The following LIPA variants were observed in gnomAD, a reference collection of about 807,000 sequenced individuals.
LIPA encodes the protein lipase A, lysosomal acid type.
A neutral mutation model predicts 40.6 loss-of-function variants in LIPA; 26 were observed. That is an observed-to-expected ratio of 0.64 (90% confidence interval 0.47 to 0.89). The LOEUF (loss-of-function observed/expected upper bound fraction) is 0.89. LIPA is among the 40% of genes least tolerant of loss of function. The probability of loss-of-function intolerance (pLI) is 0.00; values close to 1 mark genes in which losing one functional copy is unlikely to be tolerated. For missense variants in LIPA, 455 were observed against 479.6 expected (o/e 0.95, Z 0.48); for synonymous variants, 188 against 168.4 (o/e 1.12, Z -0.90).
rs755914073 is a variant in LIPA, at chr10:89,213,879, G to A, written c.*949C>T. On this transcript the variant is annotated 3_prime_UTR_variant, in exon 10 of 10. Coordinates refer to ENST00000336233, the MANE Select transcript of LIPA (RefSeq NM_000235.4). ...GAATCCCTGAGCTGAGTTTGCATCC[G>A]AAAACATCACGTTCACACTTCATTT... The A allele has an allele frequency of 2.0e-5, 3 of 152,182 alleles. No homozygotes were observed. Among genetic ancestry groups the A allele is most frequent in the South Asian group, 2.1e-4 (1 of 4,830 alleles). The allele number at this position is 152,182 out of a possible 1,614,324, so 9.4% of individuals were successfully genotyped here.
intron 1 of LIPA, 146 bp from the exon 2 acceptor site, chr10:89,247,795 C>A: frequency 1.9e-6 from 1 of 525,306 alleles, no homozygotes; most frequent in Non-Finnish European, 3.4e-6. Flanking sequence ...TGACTCCAGC[C>A]ATATCTGAAA....
chr10:89,322,117 T>C (rs1057391340), intron 1 of LIPA, among the ~76,000 whole-genome samples: 10 of 152,212 alleles, frequency 6.6e-5, no homozygotes, highest in Non-Finnish European at 1.2e-4. Context: ...ATACCTAATG[T>C]AAATGACGAG....
At position 89,392,582 on chromosome 10, in the gene LIPA, G is replaced by A. The variant is rs2133611832; in HGVS notation, c.61+20209C>T. Reference sequence around the variant, plus strand: ...CCCACAGCTTACACCATTGGCTGCTGTTTAGCTCCCTTATATAACACTGTC... The same window carrying A: ...CCCACAGCTTACACCATTGGCTGCTATTTAGCTCCCTTATATAACACTGTC... On this transcript the variant is annotated intron_variant, in intron 2 of 8. Coordinates refer to the LIPA transcript ENST00000371837. 5 of 964,334 alleles carry A rather than the reference G, an allele frequency of 5.2e-6. 1 individual carries two copies. In the South Asian group the frequency reaches 5.5e-5, roughly 11 times the overall value. 59.7% of individuals were successfully genotyped at this position (964,334 alleles called of 1,614,324 possible).
chr10:89,338,739 C>T (rs1357234811), intron 1 of LIPA: 2 of 1,613,724 alleles, frequency 1.2e-6, no homozygotes, highest in East Asian at 2.2e-5. Flanking sequence ...TCAAGGAAGA[C>T]AGTGTCTCAA....
At chr10:89,383,252 G>C in intron 2 of LIPA, 1 of 1,381,262 alleles carries the variant, frequency 7.2e-7, no homozygotes, top group Non-Finnish European at 1.0e-6. Flanking sequence ...TATTTGAAGT[G>C]CTGGCTTCAT....
chr10:89,281,755 G>C (rs1843317288), intron 1 of LIPA, among the ~76,000 whole-genome samples: 1 of 152,260 alleles, frequency 6.6e-6, no homozygotes, highest in African/African-American at 2.4e-5. Context: ...ATAAATGCCA[G>C]TTTTAGGGAA....
intron 1 of LIPA, among the ~76,000 whole-genome samples, chr10:89,333,457 G>A (rs1299826141): frequency 1.3e-5 from 2 of 152,124 alleles, no homozygotes; most frequent in Non-Finnish European, 2.9e-5. Flanking sequence ...TGCATACAAG[G>A]CTTCCTGCAT....
chr10:89,380,714 T>G (rs1844156386), intron 2 of LIPA, among the ~76,000 whole-genome samples: 1 of 152,204 alleles, frequency 6.6e-6, no homozygotes, highest in African/African-American at 2.4e-5. Flanking sequence ...ATTACAGGCA[T>G]TAGCCACCAC....
intron 6 of LIPA, 136 bp downstream of exon 6, chr10:89,224,956 A>G (rs1842747477): frequency 5.9e-6 from 7 of 1,184,062 alleles, no homozygotes; most frequent in Non-Finnish European, 8.8e-6. Context: ...GGGTAAACGG[A>G]AAAAGAAAAG....
At chr10:89,390,757 T>C (rs1045249008) in intron 2 of LIPA, among the ~76,000 whole-genome samples, 1 of 152,338 alleles carries the variant, frequency 6.6e-6, no homozygotes, top group East Asian at 1.9e-4. Flanking sequence ...GAACCAAGAC[T>C]GCTGCCAAAT....
chr10:89,346,548 G>C (rs952254290), upstream of LIPA, among the ~76,000 whole-genome samples: 2 of 152,084 alleles, frequency 1.3e-5, no homozygotes, highest in African/African-American at 4.8e-5. Flanking sequence ...TAAAGGTCAG[G>C]GTGGTTCCTG....
intron 1 of LIPA, among the ~76,000 whole-genome samples, chr10:89,414,131 A>G (rs1049633979): frequency 1.4e-4 from 22 of 152,246 alleles, no homozygotes; most frequent in African/African-American, 5.1e-4. Flanking sequence ...AATATCCGTC[A>G]AAACTTAAAA....
At chr10:89,395,377 A>T (rs369525327) in intron 2 of LIPA, among the ~76,000 whole-genome samples, 1 of 152,208 alleles carries the variant, frequency 6.6e-6, no homozygotes, top group Non-Finnish European at 1.5e-5. Flanking sequence ...TTGAGCAGGC[A>T]TGTCCTCAAT....
intron 1 of LIPA, among the ~76,000 whole-genome samples, chr10:89,317,866 G>C (rs1292013541): frequency 1.3e-5 from 2 of 152,186 alleles, no homozygotes; most frequent in East Asian, 3.8e-4. Context: ...AACAGCAGAT[G>C]TCTCGGCAGA....
chr10:89,231,868 G>C (rs577771079), intron 3 of LIPA, among the ~76,000 whole-genome samples: 2 of 152,296 alleles, frequency 1.3e-5, no homozygotes, highest in South Asian at 2.1e-4. Flanking sequence ...AACTGGACAA[G>C]ATTAGGGCTG....
chr10:89,414,548 GT>G (rs1841509048), exon 1 of LIPA: 1 of 451,844 alleles, frequency 2.2e-6, no homozygotes, highest in Non-Finnish European at 3.9e-6. Flanking sequence ...CTTACGTTTA[GT>G]TTCGATTTCT....
chr10:89,235,195 AG>A (rs981281217), intron 3 of LIPA, among the ~76,000 whole-genome samples: 6 of 152,250 alleles, frequency 3.9e-5, no homozygotes, highest in Admixed American at 1.3e-4. Flanking sequence ...TCGCCTGGTC[AG>A]GCAGCTCCTC....
chr10:89,391,932 A>G (rs1420111314), intron 2 of LIPA, among the ~76,000 whole-genome samples: 1 of 152,260 alleles, frequency 6.6e-6, no homozygotes, highest in Middle Eastern at 3.4e-3. Context: ...TTTAAACTCA[A>G]ATTCCATGAA....
At chr10:89,309,222 A>T (rs943751783) in intron 1 of LIPA, 1 of 152,066 alleles carries the variant, frequency 6.6e-6, no homozygotes, top group African/African-American at 2.4e-5. Context: ...CTTTCATCAC[A>T]TTTTCTCTAT....
Sources: allele counts gnomAD v4.1 joint callset (sites outside exome capture counted in the v4.1 genomes callset), GRCh38; gene constraint gnomAD v4.1.1; transcripts MANE v1.5; gene names NCBI Gene and HGNC (gene_info 2026-07-23, HGNC 2026-07-21).